Variants in GRM3 observed in about 807,000 individuals in gnomAD.
GRM3 encodes the protein metabotropic glutamate receptor 3.
Under a neutral mutation model 70.5 loss-of-function variants are expected in GRM3, and 26 were observed. The observed-to-expected ratio is 0.37, with a 90% CI of 0.27 to 0.51. The LOEUF (loss-of-function observed/expected upper bound fraction) is 0.51. Ranked by LOEUF, GRM3 falls within the 20% of genes least tolerant of loss-of-function variation. The pLI, the probability that GRM3 is intolerant of heterozygous loss-of-function variation, is 0.93. For synonymous variants in GRM3, 443 were observed against 434.9 expected (o/e 1.02, Z -0.23); for missense variants, 859 against 1,123.8 (o/e 0.76, Z 3.37).
At chr7:86,733,217 G>A (rs1448901911) in intron 1 of GRM3, among the ~76,000 whole-genome samples, 3 of 151,854 alleles carry the variant, frequency 2.0e-5, no homozygotes, top group African/African-American at 7.3e-5. Flanking sequence ...GGGAGGCTGA[G>A]GTAGGAAAAT....
chr7:86,695,992 G>T (rs749353449), intron 1 of GRM3, among the ~76,000 whole-genome samples: 8 of 152,182 alleles, frequency 5.3e-5, no homozygotes, highest in Non-Finnish European at 1.5e-5. Context: ...ACCAGTTGCA[G>T]TAGGAGTTCA....
intron 5 of GRM3, among the ~76,000 whole-genome samples, chr7:86,859,573 G>C (rs1424723602): frequency 1.3e-5 from 2 of 152,122 alleles, no homozygotes; most frequent in East Asian, 1.9e-4. Context: ...AAAATTATTT[G>C]GGGTCATCAG....
chr7:86,751,640 C>T (rs113350910), intron 1 of GRM3, among the ~76,000 whole-genome samples: 55 of 152,210 alleles, frequency 3.6e-4, no homozygotes, highest in African/African-American at 1.3e-3. Flanking sequence ...GCAGCCTAAA[C>T]TATAAAGTTG....
chr7:86,855,198 A>C (rs550524650), intron 5 of GRM3, among the ~76,000 whole-genome samples: 6 of 152,338 alleles, frequency 3.9e-5, no homozygotes, highest in Non-Finnish European at 7.4e-5. Flanking sequence ...GCAATCAATA[A>C]CATATGTTGG....
intron 3 of GRM3, among the ~76,000 whole-genome samples, chr7:86,815,002 C>A (rs992684353): frequency 6.6e-6 from 1 of 151,624 alleles, no homozygotes; most frequent in Non-Finnish European, 1.5e-5. Context: ...TTTCTAGACT[C>A]TTTTAACGGT....
intron 1 of GRM3, among the ~76,000 whole-genome samples, chr7:86,679,203 A>G (rs531167178): frequency 5.3e-5 from 8 of 152,230 alleles, no homozygotes; most frequent in Non-Finnish European, 4.4e-5. Context: ...CAGGCATATC[A>G]TATCTGTAGA....
chr7:86,844,627 T>G (rs979056855), intron 4 of GRM3, among the ~76,000 whole-genome samples: 2 of 152,084 alleles, frequency 1.3e-5, no homozygotes, highest in African/African-American at 4.8e-5. Flanking sequence ...AGGAGACTGG[T>G]TAGGAAGTTG....
chr7:86,699,700 C>T (rs955490530), intron 1 of GRM3, among the ~76,000 whole-genome samples: 8 of 151,818 alleles, frequency 5.3e-5, no homozygotes, highest in African/African-American at 1.5e-4. Context: ...GAAAGCCAAC[C>T]GATCTCAGTA....
In GRM3 at chr7:86,713,876, G is replaced by A. The variant is rs375355957; in HGVS notation, c.-140-51130G>A. On this transcript the variant is annotated intron_variant, in intron 1 of 5. Coordinates refer to ENST00000361669, the MANE Select transcript of GRM3 (RefSeq NM_000840.3). ...ATATAAAGAACGTAATTGACCAAGG[G>A]CCCCTACTACTGGGTTCGGAGCTCT... Among the ~76,000 whole-genome samples, 10 of 151,948 alleles carry A rather than the reference G, an allele frequency of 6.6e-5. No homozygotes were observed. The East Asian group carries it at 1.6e-3, about 24-fold the overall frequency.
In GRM3 at chr7:86,839,139, A is replaced by G; in HGVS notation, c.1625A>G (p.Asp542Gly). Residue 542 changes from aspartate (D) to glycine (G), a missense_variant, in exon 4 of 6, where the codon GAT becomes GGT. Transcript: ENST00000361669. This position sits in a 1 kb window ranked among gnomAD's most constrained non-coding sequence, Gnocchi z 4.5. ...IPCEPYEYLA[D>G]EFTCMDCGSG... The stretch of plus-strand genomic sequence containing the variant: ...TGTGAACCCTACGAATACCTGGCTG[A>G]TGAGTTTACCTGTATGGATTGTGGG... The G allele has an allele frequency of 6.2e-7, 1 of 1,614,068 alleles. No individual in the cohort carries two copies. The highest frequency in any genetic ancestry group is 8.5e-7 in the Non-Finnish European group (1 of 1,179,980).
At chr7:86,798,167 C>A (rs1193911833) in intron 3 of GRM3, among the ~76,000 whole-genome samples, 1 of 152,180 alleles carries the variant, frequency 6.6e-6, no homozygotes, top group East Asian at 1.9e-4. Flanking sequence ...CACACAGATT[C>A]CCCATCTGGG....
chr7:86,660,940 C>G (rs1034028107), intron 1 of GRM3, among the ~76,000 whole-genome samples: 7 of 151,818 alleles, frequency 4.6e-5, no homozygotes, highest in African/African-American at 1.7e-4. Flanking sequence ...TTGGTATTAG[C>G]TAGACACTGA....
chr7:86,737,047 C>T (rs950596495), intron 1 of GRM3, among the ~76,000 whole-genome samples: 3 of 152,032 alleles, frequency 2.0e-5, no homozygotes, highest in African/African-American at 7.2e-5. Context: ...TCCAACTCCA[C>T]TTCAAAAATG....
intron 1 of GRM3, among the ~76,000 whole-genome samples, chr7:86,673,899 A>G (rs1235747947): frequency 6.6e-6 from 1 of 151,972 alleles, no homozygotes; most frequent in Admixed American, 6.6e-5. Flanking sequence ...CTTTTTATAT[A>G]TTTTGCCTCC....
intron 1 of GRM3, among the ~76,000 whole-genome samples, chr7:86,672,332 TG>T (rs967742441): frequency 6.6e-6 from 1 of 152,080 alleles, no homozygotes; most frequent in Non-Finnish European, 1.5e-5. Flanking sequence ...CCTCCACAAT[TG>T]GGATAAGGTA....
chr7:86,752,183 T>G (rs967732224), intron 1 of GRM3, among the ~76,000 whole-genome samples: 1 of 152,102 alleles, frequency 6.6e-6, no homozygotes, highest in Non-Finnish European at 1.5e-5. Context: ...ACCTCTCATA[T>G]TCACAAGAGT....
intron 5 of GRM3, among the ~76,000 whole-genome samples, chr7:86,854,147 C>A (rs1208493265): frequency 1.3e-5 from 2 of 152,156 alleles, no homozygotes; most frequent in East Asian, 3.9e-4. Context: ...TAATCCATTA[C>A]TGCATCTTAT....
chr7:86,666,139 G>A (rs1794020222), intron 1 of GRM3, among the ~76,000 whole-genome samples: 1 of 152,006 alleles, frequency 6.6e-6, no homozygotes, highest in South Asian at 2.1e-4. Context: ...TAATCCTTTA[G>A]AGGTTTTAAG....
intron 1 of GRM3, among the ~76,000 whole-genome samples, chr7:86,672,549 A>G (rs954196796): frequency 1.3e-5 from 2 of 151,470 alleles, no homozygotes; most frequent in Non-Finnish European, 2.9e-5. Context: ...TTTCCTCCAG[A>G]TACGACCTCA....
Sources: gnomAD v4.1 joint callset for allele counts (sites outside exome capture counted in the v4.1 genomes callset) on GRCh38, gnomAD v4.1.1 for gene constraint, Gnocchi (gnomAD v3.1) non-coding constraint, MANE v1.5 for transcripts, NCBI Gene and HGNC (gene_info 2026-07-23, HGNC 2026-07-21) for gene names.